The following MARCHF8 variants were observed in gnomAD, a reference collection of about 807,000 sequenced individuals.
MARCHF8 encodes membrane associated ring-CH-type finger 8.
In MARCHF8, 40 loss-of-function variants were observed where a neutral mutation model predicts 51.6. That is an observed-to-expected ratio of 0.77 (90% CI 0.60 to 1.01). The LOEUF is 1.01. MARCHF8 is among the 50% of genes least tolerant of loss of function. The pLI is 0.00. For missense variants in MARCHF8, 685 were observed against 708.6 expected, an observed-to-expected ratio of 0.97 and a Z score of 0.38; for synonymous variants, 263 against 280.3, an observed-to-expected ratio of 0.94 and a Z score of 0.62.
chr10:45,502,026 T>C (rs1181237114), intron 2 of MARCHF8, among the ~76,000 whole-genome samples: 4 of 152,178 alleles, frequency 2.6e-5, no homozygotes, highest in Non-Finnish European at 4.4e-5. Flanking sequence ...AGATCACTTA[T>C]ATATTGCTTG....
chr10:45,481,949 T>G (rs1370747404), intron 3 of MARCHF8, among the ~76,000 whole-genome samples: 2 of 152,294 alleles, frequency 1.3e-5, no homozygotes, highest in African/African-American at 4.8e-5. Flanking sequence ...AAAACTTAGA[T>G]CTGATAAATT....
intron 2 of MARCHF8, among the ~76,000 whole-genome samples, chr10:45,504,211 C>T (rs994481181): frequency 7.2e-5 from 11 of 152,072 alleles, no homozygotes; most frequent in African/African-American, 2.2e-4. Context: ...TTTGGGAGGC[C>T]GAGACGGGCA....
At chr10:45,482,556 C>A (rs1237227079) in intron 3 of MARCHF8, among the ~76,000 whole-genome samples, 1 of 152,204 alleles carries the variant, frequency 6.6e-6, no homozygotes, top group African/African-American at 2.4e-5. Flanking sequence ...GAGTTCAAGA[C>A]CAGCCTGGCC....
intron 1 of MARCHF8, among the ~76,000 whole-genome samples, chr10:45,546,399 G>A (rs376791865): frequency 6.6e-5 from 10 of 152,182 alleles, no homozygotes; most frequent in African/African-American, 2.4e-4. Flanking sequence ...CTGACCTCAG[G>A]CAATCCGCCC....
At chr10:45,512,228 C>T (rs1182232146) in intron 2 of MARCHF8, among the ~76,000 whole-genome samples, 8 of 138,448 alleles carry the variant, frequency 5.8e-5, no homozygotes, top group East Asian at 4.4e-4. Flanking sequence ...TGAGAAGTGA[C>T]GAGCCCCTCC....
intron 1 of MARCHF8, among the ~76,000 whole-genome samples, chr10:45,580,644 C>T (rs781255189): frequency 3.3e-5 from 5 of 152,160 alleles, no homozygotes; most frequent in African/African-American, 7.2e-5. Context: ...ATATGAAGTT[C>T]GTCAAGAACC....
At chr10:45,459,984 G>A (rs977947496) in intron 6 of MARCHF8, 1 of 728,498 alleles carries the variant, frequency 1.4e-6, no homozygotes, top group Non-Finnish European at 1.7e-6. Context: ...CTTTCCAGAT[G>A]AGTCTATGCA....
intron 1 of MARCHF8, among the ~76,000 whole-genome samples, chr10:45,573,287 C>T (rs1265246753): frequency 6.6e-6 from 1 of 152,208 alleles, no homozygotes; most frequent in African/African-American, 2.4e-5. Flanking sequence ...AACCCCACAA[C>T]AGGACTTAAT....
intron 1 of MARCHF8, chr10:45,553,042 A>G (rs2044212743): frequency 6.6e-6 from 1 of 152,142 alleles, no homozygotes; most frequent in Non-Finnish European, 1.5e-5. Flanking sequence ...GAGTATATAT[A>G]AAACAACTAT....
At chr10:45,535,777 A>G (rs550064671), upstream of MARCHF8, among the ~76,000 whole-genome samples, 12 of 152,352 alleles carry the variant, frequency 7.9e-5, no homozygotes, top group Admixed American at 5.2e-4. Context: ...TTTACACAGA[A>G]TAACAGTTAA....
Position 45,463,906 on chromosome 10 carries a change from T to G in MARCHF8, c.333A>C (p.Thr111=), listed in dbSNP as rs1209220929. ...SKAPHCQSSL[T]QGLTVTVICK... is the part of the protein sequence containing the mutation. ...AGATAACTGTCACAGTGAGCCCTTGTGTCAGAGAACTCTGGCAGTGAGGAG... is the reference window on the plus strand; with the variant it reads ...AGATAACTGTCACAGTGAGCCCTTGGGTCAGAGAACTCTGGCAGTGAGGAG... Residue 111 remains threonine (T), a synonymous_variant, in exon 5 of 8, where the codon ACA becomes ACC. Transcript: ENST00000453424. The G allele has an allele frequency of 6.5e-7, 1 of 1,536,556 alleles. No individual in the cohort carries two copies. Among genetic ancestry groups the G allele is most frequent in the Non-Finnish European group, 8.7e-7 (1 of 1,146,918 alleles).
chr10:45,465,156 C>T (rs530939895), intron 3 of MARCHF8, among the ~76,000 whole-genome samples: 19 of 152,198 alleles, frequency 1.2e-4, no homozygotes, highest in African/African-American at 4.1e-4. Context: ...ACCACCACCG[C>T]TAGAGGGCCC....
rs78899642 is a variant in MARCHF8, at chr10:45,475,575, C to T, written c.154-11248G>A. 3.8e-3 allele frequency among the ~76,000 whole-genome samples: 574 copies of T among 152,304 alleles called. 12 individuals are homozygous for T. In the East Asian group the frequency reaches 0.053, roughly 14 times the overall value. ...CACATCTAGCACTCAATTGCGTACA[C>T]ATTTGGGCCTGAAGACTGGTTCAAC... On this transcript the variant is annotated intron_variant, in intron 3 of 7. Coordinates refer to ENST00000453424, the MANE Select transcript of MARCHF8 (RefSeq NM_001282866.2).
chr10:45,577,178 G>T (rs1231580528), intron 1 of MARCHF8, among the ~76,000 whole-genome samples: 1 of 151,786 alleles, frequency 6.6e-6, no homozygotes, highest in Non-Finnish European at 1.5e-5. Context: ...CAAAACAATT[G>T]TACTAATGAA....
intron 2 of MARCHF8, 64 bp from the exon 3 acceptor site, chr10:45,489,481 A>G: frequency 7.1e-7 from 1 of 1,406,680 alleles, no homozygotes; most frequent in Non-Finnish European, 1.0e-6. Flanking sequence ...AGAACAAGTA[A>G]TTGATCACAA....
chr10:45,512,122 G>A (rs1426323727), intron 2 of MARCHF8, among the ~76,000 whole-genome samples: 5 of 149,726 alleles, frequency 3.3e-5, no homozygotes, highest in South Asian at 2.1e-4. Context: ...ATGTGAGAGC[G>A]CCCAGCCGCG....
At chr10:45,460,103 G>A (rs1196690951) in intron 6 of MARCHF8, among the ~76,000 whole-genome samples, 1 of 152,174 alleles carries the variant, frequency 6.6e-6, no homozygotes, top group African/African-American at 2.4e-5. Flanking sequence ...TTTTTAAGCA[G>A]TTTGCACAAG....
chr10:45,527,948 A>G (rs1378521001), intron 2 of MARCHF8, among the ~76,000 whole-genome samples: 1 of 152,248 alleles, frequency 6.6e-6, no homozygotes, highest in African/African-American at 2.4e-5. Flanking sequence ...AGGGTTTAAC[A>G]TACAAAAATC....
chr10:45,586,191 A>C (rs1428268417), intron 1 of MARCHF8, among the ~76,000 whole-genome samples: 1 of 152,154 alleles, frequency 6.6e-6, no homozygotes. Context: ...ATCACCACAG[A>C]AAGTTCTCTT....
Sources: gnomAD v4.1 joint callset for allele counts (sites outside exome capture counted in the v4.1 genomes callset) on GRCh38, gnomAD v4.1.1 for gene constraint, MANE v1.5 for transcripts, NCBI Gene and HGNC (gene_info 2026-07-23, HGNC 2026-07-21) for gene names.